Variants in TENM4 observed in about 807,000 individuals in gnomAD.
TENM4 encodes the protein teneurin-4.
In TENM4, 82 loss-of-function variants were observed where a neutral mutation model predicts 243.3. The ratio of observed to expected loss-of-function variants is 0.34; its 90% CI spans 0.28 to 0.40. The LOEUF (loss-of-function observed/expected upper bound fraction) is 0.40, where lower values mean the gene tolerates loss of function less well. TENM4 is among the 10% of genes least tolerant of loss of function. The probability of loss-of-function intolerance (pLI) is 1.00; values close to 1 mark genes in which losing one functional copy is unlikely to be tolerated. For missense variants in TENM4, 3,138 were observed against 3,673.3 expected (o/e 0.85, Z 3.77); for synonymous variants, 1,412 against 1,456.3 (o/e 0.97, Z 0.69).
intron 3 of TENM4, among the ~76,000 whole-genome samples, chr11:79,166,024 A>G (rs1862906035): frequency 6.6e-6 from 1 of 152,076 alleles, no homozygotes; most frequent in Non-Finnish European, 1.5e-5. Flanking sequence ...TTTTTCTCTG[A>G]CACCACATTA....
In TENM4 at chr11:79,007,011, C is replaced by T. The variant is rs1019943121; in HGVS notation, c.493+57727G>A. Reference sequence around the variant, plus strand: ...AATAAAACAGAAGACTGAACCTCCCCCAAAGAAGAGGAAACCCTGCAGCAG... The same window carrying T: ...AATAAAACAGAAGACTGAACCTCCCTCAAAGAAGAGGAAACCCTGCAGCAG... On this transcript the variant is annotated intron_variant, in intron 6 of 33. Coordinates refer to ENST00000278550, the MANE Select transcript of TENM4 (RefSeq NM_001098816.3). Among the ~76,000 whole-genome samples, 14 of 152,268 alleles carry T rather than the reference C, an allele frequency of 9.2e-5. No individual in the cohort carries two copies. In the South Asian group the frequency reaches 2.9e-3, roughly 32 times the overall value.
intron 19 of TENM4, among the ~76,000 whole-genome samples, chr11:78,749,590 A>T (rs982682035): frequency 1.3e-5 from 2 of 152,186 alleles, no homozygotes; most frequent in African/African-American, 4.8e-5. Flanking sequence ...TGAAACTGCT[A>T]TGCCACTGAC....
rs118150690 is a variant in TENM4, at chr11:78,739,038, C to T, written c.2757-468G>A. 7.6e-3 allele frequency among the ~76,000 whole-genome samples: 1,162 copies of T among 152,032 alleles called. 12 individuals are homozygous for T. The highest frequency in any genetic ancestry group is 0.012 in the Non-Finnish European group (846 of 67,956). On this transcript the variant is annotated intron_variant, in intron 19 of 33. Transcript: ENST00000278550. ...GCTCCACAAATGACAATGGCTATTACTGTTATTAACAGTCTCATTGGAAGT... is the reference window on the plus strand; with the variant it reads ...GCTCCACAAATGACAATGGCTATTATTGTTATTAACAGTCTCATTGGAAGT...
chr11:79,385,137 G>C (rs1006388220), intron 1 of TENM4, among the ~76,000 whole-genome samples: 1 of 152,020 alleles, frequency 6.6e-6, no homozygotes, highest in African/African-American at 2.4e-5. Context: ...ACTCTCTCTA[G>C]GCCAGTGGCT....
At chr11:78,721,813 T>G (rs1225383702) in intron 24 of TENM4, among the ~76,000 whole-genome samples, 3 of 152,094 alleles carry the variant, frequency 2.0e-5, no homozygotes, top group Non-Finnish European at 1.5e-5. Flanking sequence ...GGAGGGAGCT[T>G]GGCGCAATTC....
chr11:78,786,136 C>T lies in TENM4; in HGVS notation c.2365+762G>A, dbSNP rs546735620. On this transcript the variant is annotated intron_variant, in intron 16 of 33. Transcript: ENST00000278550. ...TGGCTGAGTTTAAAATCAACAAAAC[C>T]GGCAGGAAAGGCAGAAGGAAGGGAA... Among the ~76,000 whole-genome samples, 18 of 152,274 alleles carry T rather than the reference C, an allele frequency of 1.2e-4. No homozygotes were observed. The South Asian group carries it at 1.2e-3, about 11-fold the overall frequency.
chr11:78,762,390 G>A (rs188425373), intron 18 of TENM4, among the ~76,000 whole-genome samples: 44 of 152,320 alleles, frequency 2.9e-4, no homozygotes, highest in African/African-American at 1.0e-3. Context: ...TGGCCTTAGA[G>A]AACTGAAGTG....
At chr11:79,298,509 A>G (rs1277640) in intron 1 of TENM4, among the ~76,000 whole-genome samples, 102,441 of 134,228 alleles carry the variant, frequency 0.76, 39,331 homozygotes, top group Middle Eastern at 0.9. Context: ...GTGACAGAGC[A>G]AGACTCCGTC....
At position 78,942,617 on chromosome 11, in the gene TENM4, G is replaced by A. The variant is rs189043147; in HGVS notation, c.494-39094C>T. 3.9e-4 allele frequency among the ~76,000 whole-genome samples: 60 copies of A among 152,252 alleles called. 1 individual carries two copies. Among genetic ancestry groups the A allele is most frequent in the East Asian group, 1.7e-3 (9 of 5,182 alleles). ...ACCGACCTCCCACTCCTCTGAGCCC[G>A]TAGTCATTCCTAAGTGCAAGCTCTG... is the stretch of plus-strand genomic sequence containing the variant. On this transcript the variant is annotated intron_variant, in intron 6 of 33. Transcript: ENST00000278550.
chr11:79,394,421 A>T (rs1438482506), intron 1 of TENM4, among the ~76,000 whole-genome samples: 3 of 152,194 alleles, frequency 2.0e-5, no homozygotes, highest in Admixed American at 6.5e-5. Flanking sequence ...TCTACACTGT[A>T]TAATTTTGAG....
intron 23 of TENM4, among the ~76,000 whole-genome samples, chr11:78,723,836 T>C (rs1855454655): frequency 1.3e-5 from 2 of 152,212 alleles, no homozygotes; most frequent in South Asian, 4.1e-4. Flanking sequence ...AAAGCTGTCC[T>C]TTGTTCAATG....
chr11:78,704,714 T>C (rs1859201340), intron 27 of TENM4, among the ~76,000 whole-genome samples: 2 of 152,218 alleles, frequency 1.3e-5, no homozygotes, highest in African/African-American at 4.8e-5. Flanking sequence ...ATGTTAACCA[T>C]AGTAAGATTA....
intron 6 of TENM4, among the ~76,000 whole-genome samples, chr11:78,908,978 C>T (rs143468036): frequency 7.9e-5 from 12 of 152,304 alleles, no homozygotes; most frequent in East Asian, 3.9e-4. Context: ...GAGCAGAGCT[C>T]GGGGATCTCA....
chr11:79,385,563 T>C (rs1858094317), intron 1 of TENM4, among the ~76,000 whole-genome samples: 1 of 152,216 alleles, frequency 6.6e-6, no homozygotes, highest in Admixed American at 6.5e-5. Context: ...GAAGAGCGAA[T>C]AATGCCTAAT....
chr11:79,133,107 G>C (rs1862044292), intron 4 of TENM4, among the ~76,000 whole-genome samples: 1 of 152,074 alleles, frequency 6.6e-6, no homozygotes, highest in Non-Finnish European at 1.5e-5. Flanking sequence ...CCTCTAACAA[G>C]ATTAACCAAG....
rs76030815 is a variant in TENM4 at position 78,881,797 on chromosome 11, T to A, written c.1084+7988A>T. 2.3e-3 allele frequency among the ~76,000 whole-genome samples: 354 copies of A among 152,328 alleles called. 1 individual carries two copies. Among genetic ancestry groups the A allele is most frequent in the African/African-American group, 7.8e-3 (326 of 41,572 alleles). On this transcript the variant is annotated intron_variant, in intron 9 of 33. Transcript: ENST00000278550. ...CAGCCCTGCAGAGCGAGTTGGTCCC[T>A]TCTCCCTTCGTCAGCATTTCAGACA...
At chr11:78,719,493 GGTCT>G (rs1370086367) in intron 25 of TENM4, among the ~76,000 whole-genome samples, 1 of 152,016 alleles carries the variant, frequency 6.6e-6, no homozygotes, top group African/African-American at 2.4e-5. Flanking sequence ...CTGGATTCTG[GGTCT>G]GTCTGACTCT....
At chr11:78,822,775 A>G (rs1447520218) in intron 12 of TENM4, among the ~76,000 whole-genome samples, 4 of 152,174 alleles carry the variant, frequency 2.6e-5, no homozygotes, top group Non-Finnish European at 4.4e-5. Context: ...AGAAATAGGA[A>G]CTAAGGGCTG....
chr11:79,311,979 G>T (rs1590871194), intron 1 of TENM4, among the ~76,000 whole-genome samples: 1 of 152,118 alleles, frequency 6.6e-6, no homozygotes, highest in East Asian at 1.9e-4. Flanking sequence ...ACTGTTCAAG[G>T]CCTCCACATA....
Sources: allele counts gnomAD v4.1 joint callset (sites outside exome capture counted in the v4.1 genomes callset), GRCh38; gene constraint gnomAD v4.1.1; transcripts MANE v1.5; gene names NCBI Gene and HGNC (gene_info 2026-07-23, HGNC 2026-07-21).